Variants in NAV3 observed in about 807,000 individuals in gnomAD.
The protein encoded by NAV3 is pore membrane and/or filament interacting like protein 1.
Under a neutral mutation model 244.7 loss-of-function variants are expected in NAV3, and 87 were observed. That is an observed-to-expected ratio of 0.36 (90% confidence interval 0.30 to 0.42). The LOEUF (loss-of-function observed/expected upper bound fraction) is 0.42. NAV3 is among the 20% of genes least tolerant of loss of function. NAV3 has a pLI of 1.00. For synonymous variants in NAV3, 1,126 were observed against 1,042.2 expected, an observed-to-expected ratio of 1.08 and a Z score of -1.55; for missense variants, 2,663 against 2,893.3, an observed-to-expected ratio of 0.92 and a Z score of 1.83.
At chr12:77,687,693 A>C (rs1248558041) in intron 2 of NAV3, among the ~76,000 whole-genome samples, 1 of 152,116 alleles carries the variant, frequency 6.6e-6, no homozygotes, top group Admixed American at 6.6e-5. Flanking sequence ...AAAAAACTGG[A>C]CTATTAGACT....
intron 2 of NAV3, among the ~76,000 whole-genome samples, chr12:77,719,120 C>T (rs1081335): frequency 0.94 from 143,562 of 152,242 alleles, 67,759 homozygotes; most frequent in East Asian, 1. Context: ...TTTTGGATTG[C>T]TCATTGTTAG....
rs555646698 is a variant in NAV3, at chr12:77,587,786, A to G, written c.72+15520A>G. On this transcript the variant is annotated intron_variant, in intron 2 of 8. Transcript: ENST00000550042. ...GGAATGTTAAGATTTGGTAGACTGAAGTAGAAGCATTCCATGTAATAGTTA... is the reference window on the plus strand; with the variant it reads ...GGAATGTTAAGATTTGGTAGACTGAGGTAGAAGCATTCCATGTAATAGTTA... Among the ~76,000 whole-genome samples, 117 of 152,332 alleles carry G rather than the reference A, an allele frequency of 7.7e-4. 1 individual carries two copies. The highest frequency in any genetic ancestry group is 2.5e-3 in the African/African-American group (106 of 41,572).
intron 38 of NAV3, among the ~76,000 whole-genome samples, chr12:78,202,994 T>A (rs537454726): frequency 6.6e-6 from 1 of 152,226 alleles, no homozygotes; most frequent in Middle Eastern, 3.4e-3. Flanking sequence ...TATCTTCAGA[T>A]GAAGGCGGAT....
chr12:78,208,925 G>T (rs1960612619), intron 39 of NAV3, among the ~76,000 whole-genome samples: 1 of 152,104 alleles, frequency 6.6e-6, no homozygotes, highest in East Asian at 1.9e-4. Flanking sequence ...ATGGGAGAAG[G>T]AATATGAATG....
chr12:78,133,348 T>C (rs955452478), intron 18 of NAV3, among the ~76,000 whole-genome samples: 1 of 151,698 alleles, frequency 6.6e-6, no homozygotes, highest in Admixed American at 6.6e-5. Context: ...AGAAAATGAG[T>C]ACTCTTAAAA....
intron 1 of NAV3, among the ~76,000 whole-genome samples, chr12:77,885,246 T>C (rs966302114): frequency 7.9e-5 from 12 of 152,124 alleles, no homozygotes; most frequent in African/African-American, 2.7e-4. Context: ...TCTCTATTTA[T>C]GTCACAGAGT....
At chr12:78,156,121 GT>G (rs1957295235) in intron 22 of NAV3, among the ~76,000 whole-genome samples, 1 of 152,160 alleles carries the variant, frequency 6.6e-6, no homozygotes, top group South Asian at 2.1e-4. Context: ...GGTTTTTATA[GT>G]TTTTGGATTT....
In NAV3 at chr12:78,102,143, G is replaced by C. The variant is rs117615076; in HGVS notation, c.2637-14629G>C. On this transcript the variant is annotated intron_variant, in intron 12 of 39. Transcript: ENST00000397909. Reference sequence around the variant, plus strand: ...CATAGTCTCATCTGAGACAAGGAAAGTCCCTTCCACTATGAGCCTGTAAAA... The same window carrying C: ...CATAGTCTCATCTGAGACAAGGAAACTCCCTTCCACTATGAGCCTGTAAAA... Among the ~76,000 whole-genome samples, 135 of 152,226 alleles carry C rather than the reference G, an allele frequency of 8.9e-4. 1 individual carries two copies. In the East Asian group the frequency reaches 0.024, roughly 27 times the overall value.
intron 2 of NAV3, among the ~76,000 whole-genome samples, chr12:77,688,057 C>A (rs1230990639): frequency 6.6e-6 from 1 of 152,032 alleles, no homozygotes; most frequent in African/African-American, 2.4e-5. Flanking sequence ...TTAAGACCCA[C>A]AGATTTCCTT....
chr12:77,797,383 A>G (rs924027915), intron 2 of NAV3, among the ~76,000 whole-genome samples: 1 of 151,996 alleles, frequency 6.6e-6, no homozygotes, highest in Non-Finnish European at 1.5e-5. Context: ...GTGACTTTCA[A>G]TATATTCATT....
At chr12:77,881,015 C>A (rs557370249) in intron 1 of NAV3, among the ~76,000 whole-genome samples, 1 of 152,216 alleles carries the variant, frequency 6.6e-6, no homozygotes, top group East Asian at 1.9e-4. Context: ...CTAGAAGGCA[C>A]AGCTATTCAC....
At chr12:77,711,739 T>C (rs1295483372) in intron 2 of NAV3, among the ~76,000 whole-genome samples, 1 of 152,186 alleles carries the variant, frequency 6.6e-6, no homozygotes, top group Non-Finnish European at 1.5e-5. Flanking sequence ...AAGCTTTTAC[T>C]GGTATCCCAC....
At chr12:77,676,534 G>A (rs2137096858) in intron 2 of NAV3, among the ~76,000 whole-genome samples, 1 of 148,232 alleles carries the variant, frequency 6.7e-6, no homozygotes, top group Non-Finnish European at 1.5e-5. Context: ...GTCCTGTGTG[G>A]CTGGTAAGCC....
chr12:77,796,801 A>C (rs572497803), intron 2 of NAV3, among the ~76,000 whole-genome samples: 8 of 152,258 alleles, frequency 5.3e-5, no homozygotes, highest in African/African-American at 1.9e-4. Context: ...CTGAAGGCTC[A>C]TATGACTGTT....
At chr12:77,900,005 A>G (rs1332618368) in intron 1 of NAV3, among the ~76,000 whole-genome samples, 3 of 151,904 alleles carry the variant, frequency 2.0e-5, no homozygotes, top group Non-Finnish European at 4.4e-5. Flanking sequence ...AGTATCCAAC[A>G]GGAAATTTTT....
At chr12:77,920,439 A>G (rs1250554795) in intron 1 of NAV3, among the ~76,000 whole-genome samples, 1 of 151,996 alleles carries the variant, frequency 6.6e-6, no homozygotes. Flanking sequence ...AAAACACACA[A>G]CAAAAAGCCC....
chr12:77,618,864 T>G (rs540297074), intron 2 of NAV3, among the ~76,000 whole-genome samples: 1 of 152,318 alleles, frequency 6.6e-6, no homozygotes, highest in East Asian at 1.9e-4. Flanking sequence ...TCTAAATAAA[T>G]GGATTGTCAG....
chr12:77,755,603 C>T lies in NAV3; in HGVS notation c.72+183337C>T, dbSNP rs946939945. ...CTTTCCTCCCTCCCTCCCTCCCTCC[C>T]TCCCTCCCTCCTTCCTTCCTTCCTT... is the stretch of plus-strand genomic sequence containing the variant. On this transcript the variant is annotated intron_variant, in intron 2 of 8. Coordinates refer to the NAV3 transcript ENST00000550042. 7.4e-4 allele frequency among the ~76,000 whole-genome samples: 52 copies of T among 70,396 alleles called. 3 individuals are homozygous for T. The South Asian group carries it at 8.5e-3, about 11-fold the overall frequency. The allele number at this position is 70,396 out of a possible 152,430, so 46.2% of individuals were successfully genotyped here.
At chr12:78,177,505 C>A (rs752716597) in intron 27 of NAV3, 115 bp from the exon 28 acceptor site, 4 of 1,168,384 alleles carry the variant, frequency 3.4e-6, no homozygotes, top group Non-Finnish European at 4.8e-6. Context: ...TTTTCATTTT[C>A]ATATGTTAGA....
Sources: allele counts gnomAD v4.1 joint callset (sites outside exome capture counted in the v4.1 genomes callset), GRCh38; gene constraint gnomAD v4.1.1; transcripts MANE v1.5; gene names NCBI Gene and HGNC (gene_info 2026-07-23, HGNC 2026-07-21).